KIRREL3: variants seen among roughly 807,000 people sequenced by gnomAD.
KIRREL3 encodes kirre like nephrin family adhesion molecule 3.
KIRREL3 carries 36 observed loss-of-function variants against 89.7 expected under a neutral mutation model. The ratio of observed to expected loss-of-function variants is 0.40; its 90% CI spans 0.31 to 0.53. KIRREL3 has a LOEUF of 0.53. Among genes scored for constraint, KIRREL3 ranks in the 20% least tolerant of loss-of-function variants. The probability of loss-of-function intolerance (pLI) is 0.49; values close to 1 mark genes in which losing one functional copy is unlikely to be tolerated. For synonymous variants in KIRREL3, 445 were observed against 441.4 expected (o/e 1.01, Z -0.10); for missense variants, 864 against 1,056.6 (o/e 0.82, Z 2.53).
intron 1 of KIRREL3, among the ~76,000 whole-genome samples, chr11:126,894,577 GAAA>G (rs1946071939): frequency 2.4e-5 from 2 of 83,664 alleles, no homozygotes; most frequent in East Asian, 3.5e-4. Context: ...AAAAGGAAAA[GAAA>G]GAAAGAAAGA....
rs554431932 is a variant in KIRREL3, at chr11:126,877,192, C to G, written c.55+123263G>C. 6.6e-6 allele frequency among the ~76,000 whole-genome samples: 1 copy of G among 152,292 alleles called. No homozygotes were observed. The highest frequency in any genetic ancestry group is 1.5e-5 in the Non-Finnish European group (1 of 68,026). On this transcript the variant is annotated intron_variant, in intron 1 of 16. Coordinates refer to ENST00000525144, the MANE Select transcript of KIRREL3 (RefSeq NM_032531.4). This position sits in a 1 kb window ranked among gnomAD's most constrained non-coding sequence, Gnocchi z 4.9. ...TTGATTGAGGAGCACTGTTATGCCTCTTAGTTGACAGCCAGTGGCACGAAT... is the reference window on the plus strand; with the variant it reads ...TTGATTGAGGAGCACTGTTATGCCTGTTAGTTGACAGCCAGTGGCACGAAT...
At chr11:126,921,849 A>G (rs1293334756) in intron 1 of KIRREL3, among the ~76,000 whole-genome samples, 1 of 136,778 alleles carries the variant, frequency 7.3e-6, no homozygotes, top group Non-Finnish European at 1.6e-5. Context: ...TCTATCTATC[A>G]TCTATCTTTC....
intron 1 of KIRREL3, among the ~76,000 whole-genome samples, chr11:126,873,123 T>C (rs1464545895): frequency 2.0e-5 from 3 of 152,230 alleles, no homozygotes; most frequent in Non-Finnish European, 2.9e-5. Flanking sequence ...TATCATGGAA[T>C]AGTGAATACA....
rs1941216696 is a variant in KIRREL3, at chr11:126,575,656, C to A, written c.56-12744G>T. Among the ~76,000 whole-genome samples the A allele has an allele frequency of 6.6e-6, 1 of 152,162 alleles. No individual in the cohort carries two copies. The highest frequency in any genetic ancestry group is 1.9e-4 in the East Asian group (1 of 5,198). On this transcript the variant is annotated intron_variant, in intron 1 of 16. Coordinates refer to ENST00000525144, the MANE Select transcript of KIRREL3 (RefSeq NM_032531.4). The surrounding 1 kb of genome is among the most constrained non-coding windows in gnomAD (Gnocchi z 7.0). Reference sequence around the variant, plus strand: ...TCCAGTTCTGTAGCTTGAATAGAGACTGCTATGTTGTTGGAGTTAATACCC... The same window carrying A: ...TCCAGTTCTGTAGCTTGAATAGAGAATGCTATGTTGTTGGAGTTAATACCC...
intron 1 of KIRREL3, among the ~76,000 whole-genome samples, chr11:126,841,400 C>T (rs1351399840): frequency 6.6e-6 from 1 of 152,188 alleles, no homozygotes; most frequent in Non-Finnish European, 1.5e-5. Context: ...CTCCACATAT[C>T]CCCAGCAGCC....
At chr11:126,737,016 A>G (rs993269861) in intron 1 of KIRREL3, among the ~76,000 whole-genome samples, 2 of 152,264 alleles carry the variant, frequency 1.3e-5, no homozygotes, top group African/African-American at 4.8e-5. Flanking sequence ...AGGGAAAAGC[A>G]AAAACAGCTA....
At chr11:126,425,549 G>T in intron 16 of KIRREL3, 89 bp downstream of exon 16, 1 of 1,179,544 alleles carries the variant, frequency 8.5e-7, no homozygotes, top group Non-Finnish European at 1.2e-6. Flanking sequence ...CTGACTTGCT[G>T]TCATTTGTTG....
In KIRREL3 at chr11:126,896,496, C is replaced by T. The variant is rs944897304; in HGVS notation, c.55+103959G>A. Among the ~76,000 whole-genome samples the T allele has an allele frequency of 6.6e-6, 1 of 152,194 alleles. No homozygotes were observed. The highest frequency in any genetic ancestry group is 1.5e-5 in the Non-Finnish European group (1 of 68,038). ...TGTCATCAGACTTCCAATCTTTACT[C>T]TGAATGAGAAAAACATCAAAATCTG... On this transcript the variant is annotated intron_variant, in intron 1 of 16. Transcript: ENST00000525144. This position sits in a 1 kb window ranked among gnomAD's most constrained non-coding sequence, Gnocchi z 4.1.
intron 1 of KIRREL3, among the ~76,000 whole-genome samples, chr11:126,585,220 CTTTTTTTTTTT>C (rs3042225): frequency 1.3e-3 from 110 of 81,924 alleles, no homozygotes; most frequent in African/African-American, 5.5e-3. Flanking sequence ...CGCCCGGCCT[CTTTTTTTTTTT>C]TTTTTTTTTT....
At chr11:126,617,723 T>C (rs1472397547) in intron 1 of KIRREL3, among the ~76,000 whole-genome samples, 1 of 152,182 alleles carries the variant, frequency 6.6e-6, no homozygotes, top group African/African-American at 2.4e-5. Flanking sequence ...AAGATAGGCA[T>C]TTTTATCCCC....
At chr11:126,649,983 A>G (rs1004446730) in intron 1 of KIRREL3, among the ~76,000 whole-genome samples, 2 of 152,204 alleles carry the variant, frequency 1.3e-5, no homozygotes, top group African/African-American at 4.8e-5. Context: ...CCAAACCCCA[A>G]TTCTTGACTT....
chr11:126,676,685 C>T lies in KIRREL3; in HGVS notation c.56-113773G>A, dbSNP rs1262972888. Among the ~76,000 whole-genome samples, 1 of 151,972 alleles carries T rather than the reference C, an allele frequency of 6.6e-6. No homozygotes were observed. Among genetic ancestry groups the T allele is most frequent in the East Asian group, 1.9e-4 (1 of 5,164 alleles). On this transcript the variant is annotated intron_variant, in intron 1 of 16. Transcript: ENST00000525144. The surrounding 1 kb of genome is among the most constrained non-coding windows in gnomAD (Gnocchi z 4.5). Reference sequence around the variant, plus strand: ...AGGTAACTGCCTTGGCCTCCCTAAGCCAAAGATGCATCTGGGCCCCATATG... The same window carrying T: ...AGGTAACTGCCTTGGCCTCCCTAAGTCAAAGATGCATCTGGGCCCCATATG...
chr11:126,875,507 C>T (rs972813269), intron 1 of KIRREL3, among the ~76,000 whole-genome samples: 3 of 152,280 alleles, frequency 2.0e-5, no homozygotes, highest in Admixed American at 6.5e-5. Flanking sequence ...TCTCTGGAGT[C>T]GTGGCAATAA....
At chr11:126,733,754 T>C (rs1369334463) in intron 1 of KIRREL3, among the ~76,000 whole-genome samples, 2 of 152,368 alleles carry the variant, frequency 1.3e-5, no homozygotes, top group African/African-American at 2.4e-5. Flanking sequence ...GCCCTTTTTT[T>C]CCCTGATATG....
At position 126,987,482 on chromosome 11, in the gene KIRREL3, A is replaced by G. The variant is rs1949899351; in HGVS notation, c.55+12973T>C. On this transcript the variant is annotated intron_variant, in intron 1 of 16. Coordinates refer to ENST00000525144, the MANE Select transcript of KIRREL3 (RefSeq NM_032531.4). This position sits in a 1 kb window ranked among gnomAD's most constrained non-coding sequence, Gnocchi z 4.6. ...TAAGTGTTCAGATTTTCTGGTTGGT[A>G]TGTCTTGATTCTGACCAGTTCCAGT... 6.6e-6 allele frequency among the ~76,000 whole-genome samples: 1 copy of G among 152,194 alleles called. No individual in the cohort carries two copies. The highest frequency in any genetic ancestry group is 2.1e-4 in the South Asian group (1 of 4,830).
chr11:126,572,537 C>T (rs1268857144), intron 1 of KIRREL3, among the ~76,000 whole-genome samples: 4 of 150,204 alleles, frequency 2.7e-5, no homozygotes, highest in Admixed American at 2.0e-4. Context: ...GCACACAGCC[C>T]AGCTGACCAG....
At chr11:126,884,211 A>G (rs893604476) in intron 1 of KIRREL3, among the ~76,000 whole-genome samples, 1 of 152,226 alleles carries the variant, frequency 6.6e-6, no homozygotes, top group Non-Finnish European at 1.5e-5. Context: ...AATTCTGTTC[A>G]GTAACATGGA....
At chr11:126,706,393 G>A (rs1041932453) in intron 1 of KIRREL3, among the ~76,000 whole-genome samples, 17 of 152,102 alleles carry the variant, frequency 1.1e-4, no homozygotes, top group African/African-American at 3.6e-4. Context: ...TGCAAATATC[G>A]TTTAAGTACA....
At position 126,610,508 on chromosome 11, in the gene KIRREL3, A is replaced by G. The variant is rs952564184; in HGVS notation, c.56-47596T>C. On this transcript the variant is annotated intron_variant, in intron 1 of 16. Transcript: ENST00000525144. The surrounding 1 kb of genome is among the most constrained non-coding windows in gnomAD (Gnocchi z 4.6). ...ATAGACTAACCTGGCCCAGCCTGCA[A>G]CCTCATGGGAATGTGGGATAATGAG... is the stretch of plus-strand genomic sequence containing the variant. Among the ~76,000 whole-genome samples, 1 of 152,230 alleles carries G rather than the reference A, an allele frequency of 6.6e-6. No homozygotes were observed. The highest frequency in any genetic ancestry group is 1.5e-5 in the Non-Finnish European group (1 of 68,046).
Sources: allele counts gnomAD v4.1 joint callset (sites outside exome capture counted in the v4.1 genomes callset), GRCh38; gene constraint gnomAD v4.1.1; non-coding constraint Gnocchi (gnomAD v3.1); transcripts MANE v1.5; gene names NCBI Gene and HGNC (gene_info 2026-07-23, HGNC 2026-07-21).